The following CNTNAP5 variants were observed in gnomAD, a reference collection of about 807,000 sequenced individuals.
CNTNAP5 encodes contactin-associated protein-like 5.
In CNTNAP5, 72 loss-of-function variants were observed where a neutral mutation model predicts 150.2. That is an observed-to-expected ratio of 0.48 (90% CI 0.40 to 0.58). CNTNAP5 has a LOEUF of 0.58. CNTNAP5 is among the 20% of genes least tolerant of loss of function. The pLI is 0.00. For synonymous variants in CNTNAP5, 672 were observed against 619.8 expected (o/e 1.08, Z -1.25); for missense variants, 1,636 against 1,626.2 (o/e 1.01, Z -0.10).
intron 16 of CNTNAP5, among the ~76,000 whole-genome samples, chr2:124,770,628 G>A (rs1681169696): frequency 6.6e-6 from 1 of 152,142 alleles, no homozygotes; most frequent in African/African-American, 2.4e-5. Context: ...CTGGTGATCT[G>A]AATAAGAAAC....
intron 3 of CNTNAP5, among the ~76,000 whole-genome samples, chr2:124,303,529 A>G (rs1688614799): frequency 6.6e-6 from 1 of 152,226 alleles, no homozygotes; most frequent in Non-Finnish European, 1.5e-5. Context: ...TTAGAATCAA[A>G]CAGTTGTCAA....
chr2:124,641,543 T>C (rs1434488079), intron 12 of CNTNAP5, among the ~76,000 whole-genome samples: 1 of 152,196 alleles, frequency 6.6e-6, no homozygotes, highest in Non-Finnish European at 1.5e-5. Flanking sequence ...AATGAGTAGA[T>C]GGAAAATGAG....
At chr2:124,653,762 G>A (rs911229903) in intron 13 of CNTNAP5, among the ~76,000 whole-genome samples, 3 of 152,156 alleles carry the variant, frequency 2.0e-5, no homozygotes, top group African/African-American at 7.2e-5. Flanking sequence ...TCAATTAGCA[G>A]AATTAACATT....
intron 1 of CNTNAP5, among the ~76,000 whole-genome samples, chr2:124,168,418 CAAGCAT>C (rs1684855539): frequency 6.6e-6 from 1 of 152,158 alleles, no homozygotes; most frequent in Non-Finnish European, 1.5e-5. Context: ...GTGATAGTGG[CAAGCAT>C]AAGCTCAATG....
At chr2:124,433,317 G>T (rs1692438337) in intron 4 of CNTNAP5, among the ~76,000 whole-genome samples, 1 of 152,148 alleles carries the variant, frequency 6.6e-6, no homozygotes, top group South Asian at 2.1e-4. Flanking sequence ...GTTTCCATCA[G>T]CAACATTTTG....
At chr2:124,240,382 G>A (rs900764050) in intron 2 of CNTNAP5, among the ~76,000 whole-genome samples, 1 of 152,146 alleles carries the variant, frequency 6.6e-6, no homozygotes, top group Non-Finnish European at 1.5e-5. Flanking sequence ...ACGCTAGCCT[G>A]GAAGTGGCAC....
intron 3 of CNTNAP5, among the ~76,000 whole-genome samples, chr2:124,364,577 A>G (rs925079192): frequency 1.3e-5 from 2 of 152,184 alleles, no homozygotes; most frequent in Non-Finnish European, 2.9e-5. Flanking sequence ...CAAGTGTCTC[A>G]AAGAATGTCT....
At chr2:124,510,329 A>ATCTATATATCTATATATC (rs1694543977) in intron 8 of CNTNAP5, among the ~76,000 whole-genome samples, 2 of 100,392 alleles carry the variant, frequency 2.0e-5, no homozygotes, top group Non-Finnish European at 2.0e-5. Context: ...ATCTATCTAT[A>ATCTATATATCTATATATC]TATATATCTC....
At chr2:124,893,645 G>A (rs1020920772) in intron 21 of CNTNAP5, among the ~76,000 whole-genome samples, 1 of 152,082 alleles carries the variant, frequency 6.6e-6, no homozygotes, top group African/African-American at 2.4e-5. Context: ...GAGATAACCT[G>A]CTACAGGTTA....
chr2:124,771,718 TCAC>T (rs35493262), intron 16 of CNTNAP5, among the ~76,000 whole-genome samples: 38,286 of 149,944 alleles, frequency 0.26, 4,937 homozygotes, highest in Non-Finnish European at 0.28. Flanking sequence ...ATCACCTTCA[TCAC>T]CACCATCACC....
chr2:124,818,971 T>A (rs986681294), intron 19 of CNTNAP5, among the ~76,000 whole-genome samples: 2 of 152,092 alleles, frequency 1.3e-5, no homozygotes, highest in African/African-American at 2.4e-5. Flanking sequence ...CCCATTTAGC[T>A]CAGTTTCATG....
At chr2:124,114,686 C>T (rs1387584521) in intron 1 of CNTNAP5, among the ~76,000 whole-genome samples, 2 of 151,736 alleles carry the variant, frequency 1.3e-5, no homozygotes, top group East Asian at 3.9e-4. Context: ...CAAGCTTCTT[C>T]ATTCATAATC....
intron 1 of CNTNAP5, among the ~76,000 whole-genome samples, chr2:124,179,148 C>CTTA (rs1341492815): frequency 6.7e-6 from 1 of 150,282 alleles, no homozygotes; most frequent in Non-Finnish European, 1.5e-5. Context: ...ACTTCAGCTG[C>CTTA]TTATTATTAT....
At chr2:124,632,724 A>G (rs950568214) in intron 12 of CNTNAP5, among the ~76,000 whole-genome samples, 3 of 151,966 alleles carry the variant, frequency 2.0e-5, no homozygotes, top group African/African-American at 7.2e-5. Flanking sequence ...AAACAATAAA[A>G]TGTTTGTTTA....
chr2:124,335,849 AAAAC>A (rs1689454192), intron 3 of CNTNAP5, among the ~76,000 whole-genome samples: 1 of 151,944 alleles, frequency 6.6e-6, no homozygotes, highest in Non-Finnish European at 1.5e-5. Flanking sequence ...GCAGGGGTGA[AAAAC>A]AAAACAAAAC....
chr2:124,223,665 G>T (rs538032725), intron 2 of CNTNAP5, among the ~76,000 whole-genome samples: 1 of 151,726 alleles, frequency 6.6e-6, no homozygotes, highest in Non-Finnish European at 1.5e-5. Flanking sequence ...GGAAGCTGTG[G>T]GTCTGATCAC....
chr2:124,438,801 T>G (rs1174095579), intron 5 of CNTNAP5, among the ~76,000 whole-genome samples: 1 of 152,218 alleles, frequency 6.6e-6, no homozygotes, highest in African/African-American at 2.4e-5. Flanking sequence ...TGCCATTTTT[T>G]GAGAGCCCAC....
At chr2:124,670,935 T>C (rs758611897) in intron 13 of CNTNAP5, among the ~76,000 whole-genome samples, 1 of 152,162 alleles carries the variant, frequency 6.6e-6, no homozygotes, top group Non-Finnish European at 1.5e-5. Context: ...TGTAAGCATG[T>C]TTTTAGACTT....
chr2:124,600,024 A>T (rs7584599), intron 11 of CNTNAP5, among the ~76,000 whole-genome samples: 65,970 of 151,790 alleles, frequency 0.43, 14,952 homozygotes, highest in East Asian at 0.8. Context: ...GTGCATTCTC[A>T]ATAAACGTGT....
Sources: allele counts gnomAD v4.1 joint callset (sites outside exome capture counted in the v4.1 genomes callset), GRCh38; gene constraint gnomAD v4.1.1; transcripts MANE v1.5; gene names NCBI Gene and HGNC (gene_info 2026-07-23, HGNC 2026-07-21).